The following HMG20A variants were observed in gnomAD, a reference collection of about 807,000 sequenced individuals.
HMG20A encodes high mobility group 20A, also known as high mobility group protein 20A.
Under a neutral mutation model 43.9 loss-of-function variants are expected in HMG20A, and 17 were observed. The ratio of observed to expected loss-of-function variants is 0.39; its 90% CI spans 0.27 to 0.58. The LOEUF (loss-of-function observed/expected upper bound fraction) is 0.58. Among genes scored for constraint, HMG20A ranks in the 20% least tolerant of loss-of-function variants. The pLI, the probability that HMG20A is intolerant of heterozygous loss-of-function variation, is 0.59. For synonymous variants in HMG20A, 132 were observed against 147.5 expected (o/e 0.89, Z 0.76); for missense variants, 341 against 438.2 (o/e 0.78, Z 1.98).
the HMG20A span, among the ~76,000 whole-genome samples, chr15:77,501,706 A>G: frequency 6.6e-6 from 1 of 152,190 alleles, no homozygotes; most frequent in Non-Finnish European, 1.5e-5. Flanking sequence ...AAGCCTAACA[A>G]TTGACTCCCA....
intron 6 of HMG20A, 49 bp from the exon 7 acceptor site, chr15:77,477,501 TATTTA>T: frequency 8.1e-7 from 1 of 1,237,412 alleles, no homozygotes; most frequent in Non-Finnish European, 1.2e-6. Context: ...CAGGCACTAT[TATTTA>T]ATTTATCTTC....
At chr15:77,443,673 T>G (rs1350380606) in intron 1 of HMG20A, among the ~76,000 whole-genome samples, 1 of 151,678 alleles carries the variant, frequency 6.6e-6, no homozygotes, top group East Asian at 1.9e-4. Context: ...TATTTTGATG[T>G]ATTTCCTTCC....
intron 1 of HMG20A, among the ~76,000 whole-genome samples, chr15:77,453,480 A>G (rs896849843): frequency 1.3e-5 from 2 of 152,182 alleles, no homozygotes; most frequent in African/African-American, 4.8e-5. Context: ...ACTGGTATGA[A>G]TGTAAAATGG....
chr15:77,498,838 A>T, the HMG20A span, among the ~76,000 whole-genome samples: 1 of 152,218 alleles, frequency 6.6e-6, no homozygotes, highest in East Asian at 1.9e-4. Flanking sequence ...ACCCCTTCGG[A>T]TCTCCATCTC....
At chr15:77,446,419 A>G (rs1203260493) in intron 1 of HMG20A, among the ~76,000 whole-genome samples, 1 of 151,980 alleles carries the variant, frequency 6.6e-6, no homozygotes, top group African/African-American at 2.4e-5. Context: ...TTGTTTTTCA[A>G]CTTTAAAAAA....
At chr15:77,421,546 T>C (rs2073342437) in intron 1 of HMG20A, among the ~76,000 whole-genome samples, 1 of 152,250 alleles carries the variant, frequency 6.6e-6, no homozygotes, top group South Asian at 2.1e-4. Context: ...AGTCCAGCCT[T>C]GGCTGGGTGA....
the HMG20A span, among the ~76,000 whole-genome samples, chr15:77,511,508 A>C: frequency 6.6e-6 from 1 of 152,218 alleles, no homozygotes; most frequent in South Asian, 2.1e-4. Flanking sequence ...TGCTCAAAGA[A>C]TGATGGGGAC....
chr15:77,476,600 T>A (rs2072859247), intron 6 of HMG20A, among the ~76,000 whole-genome samples: 1 of 151,982 alleles, frequency 6.6e-6, no homozygotes, highest in South Asian at 2.1e-4. Context: ...TATGTTTGCA[T>A]GTTTTTCATG....
chr15:77,513,289 A>T, the HMG20A span, among the ~76,000 whole-genome samples: 38 of 152,288 alleles, frequency 2.5e-4, no homozygotes, highest in Admixed American at 2.3e-3. Context: ...TTCAGAAAAA[A>T]ATAATTCCTG....
intron 3 of HMG20A, among the ~76,000 whole-genome samples, chr15:77,465,400 GTT>G (rs71145838): frequency 7.3e-6 from 1 of 137,374 alleles, no homozygotes. Flanking sequence ...GTTGTTTTTT[GTT>G]TTTTTTTTTT....
intron 1 of HMG20A, among the ~76,000 whole-genome samples, chr15:77,433,216 CG>C (rs1400297817): frequency 2.0e-5 from 3 of 151,618 alleles, no homozygotes; most frequent in African/African-American, 7.3e-5. Flanking sequence ...GGCATGATAG[CG>C]TGCACCTATA....
chr15:77,465,088 C>T lies in HMG20A; in HGVS notation c.237+701C>T, dbSNP rs967668179. Among the ~76,000 whole-genome samples, 11 of 151,432 alleles carry T rather than the reference C, an allele frequency of 7.3e-5. No individual in the cohort carries two copies. In the South Asian group the frequency reaches 8.3e-4, roughly 11 times the overall value. On this transcript the variant is annotated intron_variant, in intron 3 of 9. Coordinates refer to ENST00000336216, the MANE Select transcript of HMG20A (RefSeq NM_001304504.2). ...TAGCCTGGCCAACATGGTGAAACCCCGTCTCTACTAAAAAATACAAAAAAT... is the reference window on the plus strand; with the variant it reads ...TAGCCTGGCCAACATGGTGAAACCCTGTCTCTACTAAAAAATACAAAAAAT...
intron 1 of HMG20A, among the ~76,000 whole-genome samples, chr15:77,435,034 A>G (rs2073531391): frequency 6.6e-6 from 1 of 152,180 alleles, no homozygotes; most frequent in Non-Finnish European, 1.5e-5. Flanking sequence ...CAAGCATAAT[A>G]TCGAGCAAAA....
chr15:77,466,924 C>T (rs1005696185), intron 3 of HMG20A, among the ~76,000 whole-genome samples, 171 bp from the exon 4 acceptor site: 6 of 152,174 alleles, frequency 3.9e-5, no homozygotes, highest in Admixed American at 1.3e-4. Flanking sequence ...AATTGCATTG[C>T]TGTCATTTGT....
chr15:77,443,379 G>GATGATGATGATGATTATT (rs576920554), intron 1 of HMG20A, among the ~76,000 whole-genome samples: 52 of 131,332 alleles, frequency 4.0e-4, no homozygotes, highest in African/African-American at 1.4e-3. Flanking sequence ...TGATGATGAT[G>GATGATGATGATGATTATT]ATTATTATTA....
chr15:77,481,769 A>G (rs929146948), intron 9 of HMG20A, among the ~76,000 whole-genome samples: 3 of 152,208 alleles, frequency 2.0e-5, no homozygotes, highest in Non-Finnish European at 4.4e-5. Context: ...AACTAACAAT[A>G]GATGGTTCCC....
intron 1 of HMG20A, among the ~76,000 whole-genome samples, chr15:77,436,293 T>C (rs1372109596): frequency 6.6e-6 from 1 of 152,092 alleles, no homozygotes; most frequent in African/African-American, 2.4e-5. Context: ...TCCAGACCAC[T>C]GCAAGATTCT....
intron 6 of HMG20A, among the ~76,000 whole-genome samples, chr15:77,474,675 T>C (rs1313810575): frequency 6.6e-6 from 1 of 152,214 alleles, no homozygotes; most frequent in Non-Finnish European, 1.5e-5. Flanking sequence ...AAGTCATTGT[T>C]ACCAAGGCAG....
In HMG20A at chr15:77,471,775, A is replaced by AT; in HGVS notation, c.584-3dup. 6.4e-7 allele frequency: 1 copy of AT among 1,569,796 alleles called. No homozygotes were observed. The highest frequency in any genetic ancestry group is 8.7e-7 in the Non-Finnish European group (1 of 1,144,954). On this transcript the variant is annotated splice_polypyrimidine_tract_variant and splice_region_variant and intron_variant, in intron 5 of 9. Transcript: ENST00000336216. ...ATGTAATGTTCTCTTATTCTTTTAT[A>AT]TTTTTAGATGCAGCCCGGCAGGCCA...
Sources: gnomAD v4.1 joint callset for allele counts (sites outside exome capture counted in the v4.1 genomes callset) on GRCh38, gnomAD v4.1.1 for gene constraint, MANE v1.5 for transcripts, NCBI Gene and HGNC (gene_info 2026-07-23, HGNC 2026-07-21) for gene names.